The following GRM8 variants were observed in gnomAD, a reference collection of about 807,000 sequenced individuals.
GRM8 encodes glutamate metabotropic receptor 8, also known as metabotropic glutamate receptor 8.
In GRM8, 47 loss-of-function variants were observed where a neutral mutation model predicts 87.2. The ratio of observed to expected loss-of-function variants is 0.54; its 90% CI spans 0.43 to 0.69. The LOEUF (loss-of-function observed/expected upper bound fraction) is 0.69. Ranked by LOEUF, GRM8 falls within the 30% of genes least tolerant of loss-of-function variation. The pLI, the probability that GRM8 is intolerant of heterozygous loss-of-function variation, is 0.00. For missense variants in GRM8, 1,019 were observed against 1,139.2 expected, an observed-to-expected ratio of 0.89 and a Z score of 1.52; for synonymous variants, 396 against 404.5, an observed-to-expected ratio of 0.98 and a Z score of 0.25.
chr7:126,573,757 T>C (rs920051432), intron 8 of GRM8, among the ~76,000 whole-genome samples: 1 of 152,022 alleles, frequency 6.6e-6, no homozygotes, highest in African/African-American at 2.4e-5. Context: ...GGCTAATTTT[T>C]GAATTTTTAG....
At chr7:126,475,973 C>T (rs985440668) in intron 9 of GRM8, among the ~76,000 whole-genome samples, 1 of 152,052 alleles carries the variant, frequency 6.6e-6, no homozygotes, top group African/African-American at 2.4e-5. Context: ...AAAGTGAATG[C>T]ATTAAATGTA....
rs10266637 is a variant in GRM8 at position 126,901,179 on chromosome 7, C to A, written c.1156+1363G>T. ...CTTTACTTTGAACAAAAGAGCCTTA[C>A]TCTGGCGCTAGAGCTTGTCATGCAT... On this transcript the variant is annotated intron_variant, in intron 6 of 10. Coordinates refer to ENST00000339582, the MANE Select transcript of GRM8 (RefSeq NM_000845.3). Among the ~76,000 whole-genome samples the A allele has an allele frequency of 7.1e-3, 1,087 of 152,240 alleles. 14 individuals carry two copies. The highest frequency in any genetic ancestry group is 0.025 in the African/African-American group (1,019 of 41,542).
intron 8 of GRM8, among the ~76,000 whole-genome samples, chr7:126,593,198 A>G (rs150763020): frequency 2.4e-4 from 37 of 152,132 alleles, no homozygotes; most frequent in African/African-American, 7.7e-4. Flanking sequence ...AGCAATCTAC[A>G]ATTCAATGCA....
intron 6 of GRM8, among the ~76,000 whole-genome samples, chr7:126,837,586 A>G (rs1270040300): frequency 6.6e-6 from 1 of 152,242 alleles, no homozygotes; most frequent in Non-Finnish European, 1.5e-5. Flanking sequence ...CCCTCTTCCA[A>G]TGACAAGGTG....
intron 7 of GRM8, among the ~76,000 whole-genome samples, chr7:126,638,603 A>G (rs1174510282): frequency 1.3e-5 from 2 of 152,182 alleles, no homozygotes; most frequent in African/African-American, 2.4e-5. Flanking sequence ...GCCAGAAGTC[A>G]CTAGAGAATG....
At chr7:127,231,867 TTTTTC>T (rs1021781845) in intron 2 of GRM8, among the ~76,000 whole-genome samples, 6 of 46,486 alleles carry the variant, frequency 1.3e-4, no homozygotes, top group African/African-American at 4.5e-4. Context: ...GATTTTTTTC[TTTTTC>T]TTTTTTTTTT....
intron 7 of GRM8, among the ~76,000 whole-genome samples, chr7:126,615,235 A>C (rs972556032): frequency 6.6e-6 from 1 of 152,204 alleles, no homozygotes; most frequent in Non-Finnish European, 1.5e-5. Context: ...TTCTTAAAGA[A>C]AAGAATTTTC....
chr7:126,504,271 T>C (rs978061312), intron 9 of GRM8, among the ~76,000 whole-genome samples: 2 of 152,082 alleles, frequency 1.3e-5, no homozygotes, highest in South Asian at 2.1e-4. Context: ...TTTAACAAGA[T>C]ACAGCCCCTT....
At chr7:126,468,815 ATC>A (rs1166794925) in intron 9 of GRM8, among the ~76,000 whole-genome samples, 8 of 152,254 alleles carry the variant, frequency 5.3e-5, no homozygotes, top group Middle Eastern at 6.8e-3. Flanking sequence ...CCTCAAGTGA[ATC>A]TCAGGCAGCA....
chr7:126,738,848 GA>G, intron 7 of GRM8, among the ~76,000 whole-genome samples: 1 of 151,816 alleles, frequency 6.6e-6, no homozygotes, highest in Non-Finnish European at 1.5e-5. Context: ...AAAAAAGGAG[GA>G]GGGGGAGGAA....
At chr7:126,850,814 T>C (rs1419490) in intron 6 of GRM8, among the ~76,000 whole-genome samples, 99,790 of 152,032 alleles carry the variant, frequency 0.66, 33,034 homozygotes, top group African/African-American at 0.74. Flanking sequence ...CCTTGCCCAA[T>C]GTTGGTGTTC....
At chr7:127,188,946 G>A (rs1363588653) in intron 2 of GRM8, among the ~76,000 whole-genome samples, 1 of 152,216 alleles carries the variant, frequency 6.6e-6, no homozygotes, top group Non-Finnish European at 1.5e-5. Context: ...CTCCAAAGCA[G>A]TGAAAGGAAC....
intron 6 of GRM8, among the ~76,000 whole-genome samples, chr7:126,830,855 T>C (rs1246739464): frequency 6.6e-6 from 1 of 152,220 alleles, no homozygotes; most frequent in African/African-American, 2.4e-5. Context: ...TGGTCTTTGA[T>C]GATGGTGATG....
intron 7 of GRM8, among the ~76,000 whole-genome samples, chr7:126,725,829 G>C (rs1253347347): frequency 6.6e-6 from 1 of 152,132 alleles, no homozygotes; most frequent in Non-Finnish European, 1.5e-5. Flanking sequence ...GCCAGACTAG[G>C]AGTAAAGGAG....
At chr7:126,451,204 C>T (rs185828859) in intron 9 of GRM8, among the ~76,000 whole-genome samples, 23 of 151,858 alleles carry the variant, frequency 1.5e-4, no homozygotes, top group Admixed American at 1.4e-3. Flanking sequence ...GCATCTGAAA[C>T]TTAACAAGCC....
intron 3 of GRM8, among the ~76,000 whole-genome samples, chr7:127,049,626 G>A (rs1302095916): frequency 1.3e-5 from 2 of 152,110 alleles, no homozygotes; most frequent in Non-Finnish European, 2.9e-5. Context: ...TAAGCTTATA[G>A]CCTAGTAGGG....
chr7:127,056,302 G>T (rs1330532667), intron 3 of GRM8, among the ~76,000 whole-genome samples: 1 of 152,142 alleles, frequency 6.6e-6, no homozygotes, highest in Non-Finnish European at 1.5e-5. Flanking sequence ...AAGTAAGTAA[G>T]TAGTCCAAAA....
rs533219411 is a variant in GRM8 at position 126,454,479 on chromosome 7, G to A, written c.2431-8107C>T. On this transcript the variant is annotated intron_variant, in intron 9 of 10. Transcript: ENST00000339582. Reference sequence around the variant, plus strand: ...AGTAACTCAGTGCAGGTGCTTTTGCGGAGGCACATGATGTTTTAAAAGTGC... The same window carrying A: ...AGTAACTCAGTGCAGGTGCTTTTGCAGAGGCACATGATGTTTTAAAAGTGC... 1.6e-3 allele frequency among the ~76,000 whole-genome samples: 248 copies of A among 150,798 alleles called. 1 individual carries two copies. Among genetic ancestry groups the A allele is most frequent in the African/African-American group, 5.3e-3 (218 of 40,994 alleles).
intron 2 of GRM8, among the ~76,000 whole-genome samples, chr7:127,144,562 G>C (rs550362092): frequency 6.6e-6 from 1 of 152,192 alleles, no homozygotes; most frequent in Non-Finnish European, 1.5e-5. Flanking sequence ...CATGACCATT[G>C]TTAAAAGAAA....
Sources: allele counts gnomAD v4.1 joint callset (sites outside exome capture counted in the v4.1 genomes callset), GRCh38; gene constraint gnomAD v4.1.1; transcripts MANE v1.5; gene names NCBI Gene and HGNC (gene_info 2026-07-23, HGNC 2026-07-21).